PRDM16: variants seen among roughly 807,000 people sequenced by gnomAD.
PRDM16 encodes the protein histone-lysine N-methyltransferase PRDM16.
PRDM16 carries 23 observed loss-of-function variants against 110.6 expected under a neutral mutation model. That is an observed-to-expected ratio of 0.21 (90% CI 0.15 to 0.29). PRDM16 has a LOEUF of 0.29. Among genes scored for constraint, PRDM16 ranks in the 10% least tolerant of loss-of-function variants. PRDM16 has a pLI of 1.00. For missense variants in PRDM16, 1,615 were observed against 1,794.3 expected, an observed-to-expected ratio of 0.90 and a Z score of 1.81; for synonymous variants, 799 against 781.8, an observed-to-expected ratio of 1.02 and a Z score of -0.37.
chr1:3,311,086 G>A (rs1641447273), intron 3 of PRDM16, among the ~76,000 whole-genome samples: 2 of 152,214 alleles, frequency 1.3e-5, no homozygotes, highest in African/African-American at 2.4e-5. Flanking sequence ...GGACTTCCCA[G>A]CTTCAGGGGT....
chr1:3,308,892 A>C (rs1279660516), intron 3 of PRDM16: 1 of 152,238 alleles, frequency 6.6e-6, no homozygotes, highest in African/African-American at 2.4e-5. Flanking sequence ...GTAATTCGCC[A>C]TGATGGTGCC....
At chr1:3,153,561 G>C (rs989016445) in intron 1 of PRDM16, among the ~76,000 whole-genome samples, 1 of 152,190 alleles carries the variant, frequency 6.6e-6, no homozygotes, top group Admixed American at 6.5e-5. Context: ...GACAATTGCC[G>C]GGTGTCTTTT....
At chr1:3,329,317 C>A (rs1198926459) in intron 3 of PRDM16, among the ~76,000 whole-genome samples, 1 of 152,226 alleles carries the variant, frequency 6.6e-6, no homozygotes, top group Non-Finnish European at 1.5e-5. Context: ...CCTCCCACTT[C>A]TTCATCTGAG....
rs1338583255 is a variant in PRDM16, at chr1:3,175,011, G to A, written c.38-11114G>A. Among the ~76,000 whole-genome samples the A allele has an allele frequency of 2.0e-5, 3 of 152,176 alleles. No individual in the cohort carries two copies. The highest frequency in any genetic ancestry group is 1.9e-4 in the East Asian group (1 of 5,176). On this transcript the variant is annotated intron_variant, in intron 1 of 16. Coordinates refer to ENST00000270722, the MANE Select transcript of PRDM16 (RefSeq NM_022114.4). The surrounding 1 kb of genome is among the most constrained non-coding windows in gnomAD (Gnocchi z 4.8). ...GGGAATGCCAATGAGTCCCAGTGCCGCAGGGCAGCCGCGGTCCCGGGCTGG... is the reference window on the plus strand; with the variant it reads ...GGGAATGCCAATGAGTCCCAGTGCCACAGGGCAGCCGCGGTCCCGGGCTGG...
At chr1:3,087,861 A>T (rs1320782418) in intron 1 of PRDM16, among the ~76,000 whole-genome samples, 1 of 151,364 alleles carries the variant, frequency 6.6e-6, no homozygotes, top group Non-Finnish European at 1.5e-5. Context: ...CCAGGGAGGG[A>T]GGCACGTTTC....
At chr1:3,432,248 T>G in intron 16 of PRDM16, 108 bp downstream of exon 16, 1 of 951,698 alleles carries the variant, frequency 1.1e-6, no homozygotes, top group Non-Finnish European at 1.6e-6. Context: ...GAAGCTCTGG[T>G]CACGCAAACG....
chr1:3,110,911 G>T (rs1007445440), intron 1 of PRDM16, among the ~76,000 whole-genome samples: 1 of 152,222 alleles, frequency 6.6e-6, no homozygotes, highest in African/African-American at 2.4e-5. Flanking sequence ...ATGCCCCGGG[G>T]TGGGGTGGGG....
intron 3 of PRDM16, among the ~76,000 whole-genome samples, chr1:3,266,369 C>T (rs1322920588): frequency 6.6e-6 from 1 of 152,202 alleles, no homozygotes; most frequent in Non-Finnish European, 1.5e-5. Context: ...GAGAACAATG[C>T]GCGCCGGAGC....
At chr1:3,307,231 T>C (rs1641336129) in intron 3 of PRDM16, 1 of 152,234 alleles carries the variant, frequency 6.6e-6, no homozygotes, top group Admixed American at 6.5e-5. Flanking sequence ...ACTCCTGCTT[T>C]CCATTTCGAG....
At chr1:3,181,084 A>ACACACGCAGTCTTACACG (rs1553140777) in intron 1 of PRDM16, among the ~76,000 whole-genome samples, 2 of 123,626 alleles carry the variant, frequency 1.6e-5, no homozygotes, top group African/African-American at 6.1e-5. Flanking sequence ...GGTCTTACAC[A>ACACACGCAGTCTTACACG]CGGCCTTACA....
In PRDM16 at chr1:3,157,724, GC is replaced by G. The variant is rs1436617660; in HGVS notation, c.38-28400del. 6.6e-6 allele frequency among the ~76,000 whole-genome samples: 1 copy of G among 152,124 alleles called. No individual in the cohort carries two copies. Among genetic ancestry groups the G allele is most frequent in the Non-Finnish European group, 1.5e-5 (1 of 68,022 alleles). On this transcript the variant is annotated intron_variant, in intron 1 of 16. Coordinates refer to ENST00000270722, the MANE Select transcript of PRDM16 (RefSeq NM_022114.4). This position sits in a 1 kb window ranked among gnomAD's most constrained non-coding sequence, Gnocchi z 4.8. ...GCGTCTCAGCAAATACCCACAGGAG[GC>G]TGTGTTTGGCCACTAGCGGAGATGG...
At chr1:3,332,594 C>A (rs1642063984) in intron 3 of PRDM16, among the ~76,000 whole-genome samples, 1 of 151,958 alleles carries the variant, frequency 6.6e-6, no homozygotes, top group South Asian at 2.1e-4. Context: ...AGATAAATTT[C>A]TAATTTTAAC....
chr1:3,430,389 C>T (rs2100700957), intron 14 of PRDM16, among the ~76,000 whole-genome samples: 1 of 152,284 alleles, frequency 6.6e-6, no homozygotes, highest in Non-Finnish European at 1.5e-5. Context: ...GGCTTTGGGC[C>T]CTCACTCTCC....
rs1020929529 is a variant in PRDM16, at chr1:3,412,748, C to T, written c.2551C>T (p.Pro851Ser). The T allele has an allele frequency of 1.3e-6, 2 of 1,502,394 alleles. No homozygotes were observed. Among genetic ancestry groups the T allele is most frequent in the East Asian group, 2.5e-5 (1 of 40,008 alleles). 93.1% of individuals were successfully genotyped at this position (1,502,394 alleles called of 1,614,324 possible). Residue 851 changes from proline to serine, a missense_variant, in exon 9 of 17, where the codon CCC becomes TCC. Physicochemically the swap from Pro to Ser is moderately conservative, Grantham distance 74. Coordinates refer to ENST00000270722, the MANE Select transcript of PRDM16 (RefSeq NM_022114.4). Reference protein sequence around the residue: ...QVCPARMPQQPPLHYAKPSPF... With the variant: ...QVCPARMPQQSPLHYAKPSPF... Reference sequence around the variant, plus strand: ...GTGCCCGGCGCGGATGCCCCAGCAGCCCCCGCTCCACTACGCCAAGCCCTC... The same window carrying T: ...GTGCCCGGCGCGGATGCCCCAGCAGTCCCCGCTCCACTACGCCAAGCCCTC...
intron 3 of PRDM16, among the ~76,000 whole-genome samples, 170 bp from the exon 4 acceptor site, chr1:3,384,982 G>T (rs547175575): frequency 5.3e-5 from 8 of 152,198 alleles, no homozygotes; most frequent in African/African-American, 1.7e-4. Flanking sequence ...GCATGGGCAG[G>T]CTGGGTGGGC....
In PRDM16 at chr1:3,156,745, G is replaced by C. The variant is rs546235987; in HGVS notation, c.38-29380G>C. 1.3e-4 allele frequency among the ~76,000 whole-genome samples: 20 copies of C among 152,338 alleles called. No homozygotes were observed. In the East Asian group the frequency reaches 3.7e-3, roughly 28 times the overall value. ...CAGGCTCACTACCCAGCCCCTGCCCGGCTCAAGCAGTGGCCACAGCTCAAA... is the reference window on the plus strand; with the variant it reads ...CAGGCTCACTACCCAGCCCCTGCCCCGCTCAAGCAGTGGCCACAGCTCAAA... On this transcript the variant is annotated intron_variant, in intron 1 of 16. Transcript: ENST00000270722.
At position 3,358,491 on chromosome 1, in the gene PRDM16, G is replaced by A. The variant is rs1234895036; in HGVS notation, c.439-26661G>A. Among the ~76,000 whole-genome samples the A allele has an allele frequency of 1.3e-5, 2 of 152,112 alleles. No homozygotes were observed. The highest frequency in any genetic ancestry group is 2.9e-5 in the Non-Finnish European group (2 of 68,024). On this transcript the variant is annotated intron_variant, in intron 3 of 16. Transcript: ENST00000270722. This position sits in a 1 kb window ranked among gnomAD's most constrained non-coding sequence, Gnocchi z 4.0. ...CGCTGCGCCCCAGACTCCCAGCCGC[G>A]GCTTCGGATGCAGCTGGAATAAGGT... is the stretch of plus-strand genomic sequence containing the variant.
intron 3 of PRDM16, among the ~76,000 whole-genome samples, chr1:3,327,770 G>A (rs1641949320): frequency 6.6e-6 from 1 of 152,182 alleles, no homozygotes; most frequent in Admixed American, 6.5e-5. Flanking sequence ...GACCTCAAGA[G>A]ATTCACAGTA....
intron 16 of PRDM16, among the ~76,000 whole-genome samples, 168 bp from the exon 17 acceptor site, chr1:3,433,490 TCTGGGATGGCCCGCCCTGC>T (rs1348593575): frequency 8.9e-5 from 13 of 145,276 alleles, no homozygotes; most frequent in Non-Finnish European, 1.8e-4. Flanking sequence ...CTGCTGCCTG[TCTGGGATGGCCCGCCCTGC>T]CCACGCGCTC....
Sources: allele counts gnomAD v4.1 joint callset (sites outside exome capture counted in the v4.1 genomes callset), GRCh38; gene constraint gnomAD v4.1.1; non-coding constraint Gnocchi (gnomAD v3.1); transcripts MANE v1.5; gene names NCBI Gene and HGNC (gene_info 2026-07-23, HGNC 2026-07-21).